The following ZNF91 variants were observed in gnomAD, a reference collection of about 807,000 sequenced individuals.
ZNF91 encodes the protein zinc finger protein 91 (HPF7, HTF10).
In ZNF91, 7 loss-of-function variants were observed where a neutral mutation model predicts 12.6. The ratio of observed to expected loss-of-function variants is 0.55; its 90% confidence interval spans 0.31 to 1.04. ZNF91 has a LOEUF of 1.04. Ranked by LOEUF, ZNF91 falls within the 50% of genes least tolerant of loss-of-function variation. ZNF91 has a pLI of 0.05. For synonymous variants in ZNF91, 453 were observed against 462.6 expected, an observed-to-expected ratio of 0.98 and a Z score of 0.27; for missense variants, 1,217 against 1,385.4, an observed-to-expected ratio of 0.88 and a Z score of 1.93.
chr19:23,380,642 A>T (rs888360319), intron 1 of ZNF91: 4 of 152,228 alleles, frequency 2.6e-5, no homozygotes, highest in Non-Finnish European at 5.9e-5. Flanking sequence ...CTGAGATTAC[A>T]TATAAGATTG....
chr19:23,306,243 C>A (rs1967397148), intron 3 of ZNF91, among the ~76,000 whole-genome samples: 1 of 152,164 alleles, frequency 6.6e-6, no homozygotes, highest in Non-Finnish European at 1.5e-5. Flanking sequence ...GGTGTTGACT[C>A]TCATACCTAG....
chr19:23,388,091 C>A (rs1244784599), intron 1 of ZNF91, among the ~76,000 whole-genome samples: 1 of 151,304 alleles, frequency 6.6e-6, no homozygotes, highest in East Asian at 2.0e-4. Flanking sequence ...ACTAAAACTA[C>A]AAAAATTAGC....
At chr19:23,369,121 TAAACGTGGTG>T (rs1232762536) in intron 3 of ZNF91, among the ~76,000 whole-genome samples, 1 of 152,164 alleles carries the variant, frequency 6.6e-6, no homozygotes, top group East Asian at 1.9e-4. Flanking sequence ...ACCAGCCTGC[TAAACGTGGTG>T]AAACCCTGTC....
At chr19:23,393,929 G>A (rs958471355) in intron 1 of ZNF91, among the ~76,000 whole-genome samples, 1 of 152,176 alleles carries the variant, frequency 6.6e-6, no homozygotes, top group South Asian at 2.1e-4. Context: ...GAGCCCAGTA[G>A]GCGGAGGTTG....
intron 3 of ZNF91, among the ~76,000 whole-genome samples, chr19:23,343,856 A>C (rs963539585): frequency 6.6e-6 from 1 of 152,244 alleles, no homozygotes; most frequent in Non-Finnish European, 1.5e-5. Flanking sequence ...CCTGACACTT[A>C]GCATGACAGG....
At chr19:23,342,232 C>T (rs781392618) in intron 3 of ZNF91, 40 of 533,676 alleles carry the variant, frequency 7.5e-5, no homozygotes, top group Non-Finnish European at 1.2e-4. Flanking sequence ...TTGCTCAAAG[C>T]AGGATATCAG....
chr19:23,361,552 G>T lies in ZNF91; in HGVS notation c.1427C>A (p.Thr476Asn). 1 of 1,613,462 alleles carries T rather than the reference G, an allele frequency of 6.2e-7. No homozygotes were observed. Among genetic ancestry groups the T allele is most frequent in the Non-Finnish European group, 8.5e-7 (1 of 1,179,794 alleles). The change falls in exon 4 of 4, where the codon ACC becomes AAC. Residue 476 changes from threonine (T) to asparagine (N), a missense_variant. Thr to Asn is a moderately conservative substitution (Grantham distance 65, BLOSUM62 0). This residue lies in a region of ZNF91 where 726 missense variants were observed against 895.5 expected (regional missense o/e 0.81). Coordinates refer to ENST00000300619, the MANE Select transcript of ZNF91 (RefSeq NM_003430.4). Reference sequence around the variant, plus strand: ...GTGTATCCTCTTATGTCTAGTTAGGGTTGAAGACCATATAAATGCTTTGCC... The same window carrying T: ...GTGTATCCTCTTATGTCTAGTTAGGTTTGAAGACCATATAAATGCTTTGCC... ...ECGKAFIWSS[T>N]LTRHKRIHTG...
At chr19:23,347,873 C>T (rs961206832) in intron 3 of ZNF91, among the ~76,000 whole-genome samples, 3 of 152,174 alleles carry the variant, frequency 2.0e-5, no homozygotes, top group African/African-American at 4.8e-5. Flanking sequence ...CCAATAATGG[C>T]TCTGCTATCT....
At chr19:23,323,627 TCTC>T (rs1337770045) in intron 1 of ZNF91, among the ~76,000 whole-genome samples, 1 of 139,750 alleles carries the variant, frequency 7.2e-6, no homozygotes, top group African/African-American at 2.7e-5. Context: ...TCTTCTCCTT[TCTC>T]CTCCTCCTTC....
downstream of ZNF91, among the ~76,000 whole-genome samples, chr19:23,337,591 G>C (rs923649624): frequency 2.0e-5 from 3 of 151,158 alleles, no homozygotes; most frequent in Non-Finnish European, 4.4e-5. Context: ...ACACAGAAAA[G>C]CAAGGCTTAT....
At chr19:23,369,980 G>C (rs1387379359) in intron 3 of ZNF91, among the ~76,000 whole-genome samples, 1 of 109,538 alleles carries the variant, frequency 9.1e-6, no homozygotes, top group South Asian at 3.0e-4. Flanking sequence ...CCCTCTCCGA[G>C]AAACACCCAA....
In ZNF91 at chr19:23,380,713, T is replaced by C. The variant is rs1194870668; in HGVS notation, c.31-5949A>G. The C allele has an allele frequency of 2.0e-5, 3 of 152,164 alleles. No homozygotes were observed. The East Asian group carries it at 5.8e-4, about 29-fold the overall frequency. 9.4% of individuals were successfully genotyped at this position (152,164 alleles called of 1,614,324 possible). A position where few individuals can be genotyped will look rare whatever the true frequency, so the allele number is the denominator to read the frequency against. ...TTTCTCTCTAAATATCCAAAGTGCA[T>C]AGCTACTCACAGCATGAGAAACATG... On this transcript the variant is annotated intron_variant, in intron 1 of 3. Coordinates refer to ENST00000300619, the MANE Select transcript of ZNF91 (RefSeq NM_003430.4).
intron 3 of ZNF91, among the ~76,000 whole-genome samples, chr19:23,348,941 T>C (rs1430044055): frequency 5.3e-5 from 8 of 152,164 alleles, no homozygotes; most frequent in Admixed American, 5.2e-4. Flanking sequence ...GTCTGTCTTA[T>C]GCGGTTGAGA....
rs761889551 is a variant in ZNF91, at chr19:23,359,757, T to C, written c.3222A>G (p.Arg1074=). 75 of 1,614,002 alleles carry C rather than the reference T, an allele frequency of 4.6e-5. No homozygotes were observed. Among genetic ancestry groups the C allele is most frequent in the Non-Finnish European group, 3.9e-5 (46 of 1,180,020 alleles). The change falls in exon 4 of 4, where the codon AGA becomes AGG. Residue 1074 remains arginine (R), a synonymous_variant. Coordinates refer to ENST00000300619, the MANE Select transcript of ZNF91 (RefSeq NM_003430.4). ...TLNGHKRIHT[R]EKPYKCEECG... Reference sequence around the variant, plus strand: ...ATTCTTCACATTTGTAGGGTTTCTCTCTAGTATGAATTCTCTTATGTCCAT... The same window carrying C: ...ATTCTTCACATTTGTAGGGTTTCTCCCTAGTATGAATTCTCTTATGTCCAT...
chr19:23,394,556 C>T (rs1051030975), intron 1 of ZNF91, among the ~76,000 whole-genome samples: 1 of 151,980 alleles, frequency 6.6e-6, no homozygotes, highest in African/African-American at 2.4e-5. Context: ...CAAGGTGAAA[C>T]CCCGTCTCTC....
intron 3 of ZNF91, among the ~76,000 whole-genome samples, chr19:23,369,637 A>G (rs1969187185): frequency 1.3e-5 from 2 of 152,204 alleles, no homozygotes; most frequent in African/African-American, 4.8e-5. Context: ...TACACACAGG[A>G]GACTCCATTT....
At position 23,362,459 on chromosome 19, in the gene ZNF91, T is replaced by A. The variant is rs537696480; in HGVS notation, c.520A>T (p.Ile174Leu). 6.2e-7 allele frequency: 1 copy of A among 1,609,016 alleles called. No individual in the cohort carries two copies. Reference protein sequence around the residue: ...YKFLNSNRHTIRHTGKKCFKC... With the variant: ...YKFLNSNRHTLRHTGKKCFKC... ...AAGCATTTCTTTCCAGTATGTCTTA[T>A]CGTATGTCTGTTTGAATTTAAAAAT... is the stretch of plus-strand genomic sequence containing the variant. The change falls in exon 4 of 4, where the codon ATA (isoleucine) becomes TTA (leucine). Residue 174 changes from isoleucine (I) to leucine (L), a missense_variant. Coordinates refer to ENST00000300619, the MANE Select transcript of ZNF91 (RefSeq NM_003430.4).
At chr19:23,352,355 AC>A (rs1453744536) in intron 3 of ZNF91, among the ~76,000 whole-genome samples, 1 of 151,676 alleles carries the variant, frequency 6.6e-6, no homozygotes, top group Non-Finnish European at 1.5e-5. Flanking sequence ...TGGGAATCTC[AC>A]CCCCATCCCC....
chr19:23,368,510 A>ATTTCTC (rs1969110464), intron 3 of ZNF91, among the ~76,000 whole-genome samples: 1 of 94,274 alleles, frequency 1.1e-5, no homozygotes, highest in Non-Finnish European at 2.0e-5. Flanking sequence ...GCGAAACTCC[A>ATTTCTC]TCTCTCTCTC....
Sources: allele counts gnomAD v4.1 joint callset (sites outside exome capture counted in the v4.1 genomes callset), GRCh38; gene constraint gnomAD v4.1.1; regional missense constraint gnomAD v4.1.1; transcripts MANE v1.5; gene names NCBI Gene and HGNC (gene_info 2026-07-23, HGNC 2026-07-21).